PLCL1: variants seen among roughly 807,000 people sequenced by gnomAD.
The protein encoded by PLCL1 is inactive phospholipase C-like protein 1.
In PLCL1, 41 loss-of-function variants were observed where a neutral mutation model predicts 84.4. The observed-to-expected ratio is 0.49, with a 90% CI of 0.38 to 0.63. PLCL1 has a LOEUF of 0.63. PLCL1 is among the 30% of genes least tolerant of loss of function. PLCL1 has a pLI of 0.00. For missense variants in PLCL1, 1,206 were observed against 1,367.8 expected, an observed-to-expected ratio of 0.88 and a Z score of 1.87; for synonymous variants, 490 against 488.3, an observed-to-expected ratio of 1.00 and a Z score of -0.05.
chr2:197,927,911 A>G (rs1247028879), intron 1 of PLCL1, among the ~76,000 whole-genome samples: 1 of 152,204 alleles, frequency 6.6e-6, no homozygotes, highest in Non-Finnish European at 1.5e-5. Flanking sequence ...TGACAAGCAA[A>G]TATGGTGTAG....
chr2:197,819,871 C>G (rs1005308842), intron 1 of PLCL1, among the ~76,000 whole-genome samples: 24 of 149,818 alleles, frequency 1.6e-4, no homozygotes, highest in African/African-American at 5.9e-4. Context: ...GAAGCCAAGG[C>G]TCACTATTAT....
rs115999478 is a variant in PLCL1, at chr2:198,148,346, T to A, written c.*1384T>A. The A allele has an allele frequency of 7.1e-3, 1,079 of 152,450 alleles. 23 individuals carry two copies. The highest frequency in any genetic ancestry group is 0.025 in the African/African-American group (1,028 of 41,562). The allele number at this position is 152,450 out of a possible 1,614,324, so 9.4% of individuals were successfully genotyped here. On this transcript the variant is annotated 3_prime_UTR_variant, in exon 6 of 6. Transcript: ENST00000428675. ...CTATAGCTTCTGTGTTATTTCTGAC[T>A]TCTTAACACTATTATGTTTATGTTG...
rs1348416606 is a variant in PLCL1, at chr2:198,149,770, GATATT to G, written c.*2813_*2817del. 1 of 152,010 alleles carries G rather than the reference GATATT, an allele frequency of 6.6e-6. No individual in the cohort carries two copies. The highest frequency in any genetic ancestry group is 1.5e-5 in the Non-Finnish European group (1 of 67,988). The allele number at this position is 152,010 out of a possible 1,614,324, so 9.4% of individuals were successfully genotyped here. On this transcript the variant is annotated 3_prime_UTR_variant, in exon 6 of 6. Transcript: ENST00000428675. ...TATGCTTGTATTTTAACAAAATTGA[GATATT>G]ATATAAACTGTTTGTAGCAGGGTGT...
At chr2:198,138,521 CT>C (rs1694310060) in intron 5 of PLCL1, among the ~76,000 whole-genome samples, 1 of 152,046 alleles carries the variant, frequency 6.6e-6, no homozygotes, top group South Asian at 2.1e-4. Context: ...AATCAGAATA[CT>C]TTAGTATATG....
intron 5 of PLCL1, among the ~76,000 whole-genome samples, chr2:198,130,810 G>A (rs930913143): frequency 2.0e-5 from 3 of 152,186 alleles, no homozygotes; most frequent in Non-Finnish European, 4.4e-5. Flanking sequence ...TCCCATAGCC[G>A]TCACCTTAGT....
chr2:198,104,820 A>G (rs997203944), intron 5 of PLCL1, among the ~76,000 whole-genome samples: 9 of 151,974 alleles, frequency 5.9e-5, no homozygotes, highest in Admixed American at 4.6e-4. Context: ...TTGGCCGCGT[A>G]TATGTCTTCT....
chr2:197,860,936 C>A (rs1687420762), intron 1 of PLCL1, among the ~76,000 whole-genome samples: 1 of 152,188 alleles, frequency 6.6e-6, no homozygotes, highest in African/African-American at 2.4e-5. Context: ...GTCATGAAAT[C>A]TTTGCCCGTT....
At chr2:197,910,748 C>T (rs1336153176) in intron 1 of PLCL1, among the ~76,000 whole-genome samples, 1 of 152,162 alleles carries the variant, frequency 6.6e-6, no homozygotes, top group Non-Finnish European at 1.5e-5. Flanking sequence ...AATTTCTTAA[C>T]CTTTTCTGCC....
At chr2:198,130,821 T>C (rs1387159140) in intron 5 of PLCL1, among the ~76,000 whole-genome samples, 1 of 152,122 alleles carries the variant, frequency 6.6e-6, no homozygotes, top group African/African-American at 2.4e-5. Context: ...TCACCTTAGT[T>C]ATCTTCATTT....
intron 1 of PLCL1, among the ~76,000 whole-genome samples, chr2:197,894,798 T>G (rs1688101296): frequency 6.6e-6 from 1 of 151,932 alleles, no homozygotes; most frequent in African/African-American, 2.4e-5. Context: ...AGAGAAGTTT[T>G]GGAGTCAGAT....
intron 1 of PLCL1, among the ~76,000 whole-genome samples, chr2:197,967,158 G>A (rs1689760660): frequency 6.6e-6 from 1 of 151,792 alleles, no homozygotes; most frequent in Admixed American, 6.6e-5. Context: ...AAGAAAAACT[G>A]CTTTTCTACA....
At chr2:198,027,462 T>C (rs1452481497) in intron 1 of PLCL1, among the ~76,000 whole-genome samples, 2 of 152,168 alleles carry the variant, frequency 1.3e-5, no homozygotes, top group South Asian at 4.1e-4. Context: ...AAAAACGTAT[T>C]GTATACTTGA....
intron 1 of PLCL1, among the ~76,000 whole-genome samples, chr2:198,034,161 C>T (rs563651780): frequency 1.3e-5 from 2 of 150,424 alleles, no homozygotes; most frequent in South Asian, 2.1e-4. Context: ...CACCCCACAA[C>T]AGGCCCCGGT....
At chr2:197,823,813 G>A (rs1252418729) in intron 1 of PLCL1, among the ~76,000 whole-genome samples, 1 of 152,002 alleles carries the variant, frequency 6.6e-6, no homozygotes, top group Non-Finnish European at 1.5e-5. Context: ...CTTGTTTTAC[G>A]CTTCAAATTT....
chr2:197,812,363 T>C (rs1297114214), intron 1 of PLCL1, among the ~76,000 whole-genome samples: 1 of 152,200 alleles, frequency 6.6e-6, no homozygotes, highest in Non-Finnish European at 1.5e-5. Context: ...GTCTCTTTGA[T>C]GAATCTCCAC....
chr2:198,067,074 A>T, intron 1 of PLCL1, among the ~76,000 whole-genome samples: 1 of 152,020 alleles, frequency 6.6e-6, no homozygotes, highest in East Asian at 1.9e-4. Flanking sequence ...AGAACTTCAA[A>T]TATTCCAAAA....
In PLCL1 at chr2:197,814,932, A is replaced by C. The variant is rs1690658326; in HGVS notation, c.240+9593A>C. 2.0e-5 allele frequency among the ~76,000 whole-genome samples: 3 copies of C among 152,120 alleles called. No homozygotes were observed. The South Asian group carries it at 6.2e-4, about 31-fold the overall frequency. On this transcript the variant is annotated intron_variant, in intron 1 of 5. Transcript: ENST00000428675. ...AGGAAGCTGTGGAAGAAAAGTTGGA[A>C]GCTAGCAGAGGTTGGTTTATGAGGT...
intron 5 of PLCL1, among the ~76,000 whole-genome samples, chr2:198,129,917 C>A (rs1694078698): frequency 6.6e-6 from 1 of 152,152 alleles, no homozygotes; most frequent in Non-Finnish European, 1.5e-5. Flanking sequence ...GTCACAAAAT[C>A]TCATGGACAC....
At chr2:197,990,296 G>T (rs1690314846) in intron 1 of PLCL1, among the ~76,000 whole-genome samples, 1 of 152,166 alleles carries the variant, frequency 6.6e-6, no homozygotes, top group Non-Finnish European at 1.5e-5. Context: ...GCAGGTGCTG[G>T]ATATAATTTT....
Sources: gnomAD v4.1 joint callset for allele counts (sites outside exome capture counted in the v4.1 genomes callset) on GRCh38, gnomAD v4.1.1 for gene constraint, MANE v1.5 for transcripts, NCBI Gene and HGNC (gene_info 2026-07-23, HGNC 2026-07-21) for gene names.